EGFR: variants seen among roughly 807,000 people sequenced by gnomAD.
The protein encoded by EGFR is avian erythroblastic leukemia viral (v-erb-b) oncogene homolog.
Under a neutral mutation model 143.0 loss-of-function variants are expected in EGFR, and 58 were observed. The ratio of observed to expected loss-of-function variants is 0.41; its 90% confidence interval spans 0.33 to 0.50. The LOEUF (loss-of-function observed/expected upper bound fraction) is 0.50. Ranked by LOEUF, EGFR falls within the 20% of genes least tolerant of loss-of-function variation. The pLI is 0.39. For missense variants in EGFR, 1,307 were observed against 1,579.0 expected (o/e 0.83, Z 2.92); for synonymous variants, 613 against 594.4 (o/e 1.03, Z -0.45).
intron 3 of EGFR, among the ~76,000 whole-genome samples, 153 bp from the exon 4 acceptor site, chr7:55,146,453 C>T (rs1447292910): frequency 6.6e-6 from 1 of 152,110 alleles, no homozygotes; most frequent in Non-Finnish European, 1.5e-5. Flanking sequence ...TTTATCTGGC[C>T]GCCCCCCGGG....
intron 1 of EGFR, among the ~76,000 whole-genome samples, chr7:55,051,994 T>C (rs1386128647): frequency 1.3e-5 from 2 of 152,226 alleles, no homozygotes; most frequent in Admixed American, 6.5e-5. Context: ...GAGTTCTTCT[T>C]CGCTTCCTTC....
chr7:55,156,381 C>G, intron 8 of EGFR, 152 bp from the exon 9 acceptor site: 6 of 1,137,160 alleles, frequency 5.3e-6, no homozygotes, highest in African/African-American at 1.5e-5. Context: ...CTCTCCCCAG[C>G]CCCTTCAGTG....
At chr7:55,205,150 T>C (rs1256472473) in intron 27 of EGFR, 106 bp from the exon 28 acceptor site, 6 of 1,533,472 alleles carry the variant, frequency 3.9e-6, no homozygotes, top group Middle Eastern at 1.9e-4. Flanking sequence ...CTGCTCCCTG[T>C]CATAAGTCTC....
chr7:55,211,336 G>C lies in EGFR; in HGVS notation c.*5719G>C, dbSNP rs548294989. On this transcript the variant is annotated 3_prime_UTR_variant, in exon 28 of 28. Transcript: ENST00000275493. ...AGAGATCCTATGGATTTGATGACTG[G>C]TATTAGAGGTGACAATGTAACCGAT... The C allele has an allele frequency of 2.0e-5, 3 of 152,320 alleles. No individual in the cohort carries two copies. The highest frequency in any genetic ancestry group is 7.2e-5 in the African/African-American group (3 of 41,578). 9.4% of individuals were successfully genotyped at this position (152,320 alleles called of 1,614,324 possible).
intron 3 of EGFR, among the ~76,000 whole-genome samples, chr7:55,144,494 G>A (rs1354759841): frequency 6.6e-6 from 1 of 152,208 alleles, no homozygotes. Context: ...TAGGAAAGGG[G>A]TGTGATGAAA....
chr7:55,203,384 TACATACAGACACACC>T, intron 27 of EGFR, among the ~76,000 whole-genome samples: 1 of 128,358 alleles, frequency 7.8e-6, no homozygotes, highest in East Asian at 3.1e-4. Context: ...ACACCACACA[TACATACAGACACACC>T]ACACACACGT....
intron 1 of EGFR, among the ~76,000 whole-genome samples, chr7:55,093,666 G>C (rs1791269369): frequency 6.6e-6 from 1 of 152,182 alleles, no homozygotes; most frequent in Non-Finnish European, 1.5e-5. Flanking sequence ...TCATTTTTGA[G>C]GTGAAAACTG....
intron 25 of EGFR, 78 bp downstream of exon 25, chr7:55,201,433 C>T (rs2128971982): frequency 6.3e-7 from 1 of 1,593,330 alleles, no homozygotes; most frequent in South Asian, 1.1e-5. Context: ...GGAAAATAAC[C>T]ATCTAGTGAA....
intron 1 of EGFR, among the ~76,000 whole-genome samples, chr7:55,058,679 C>T (rs76564161): frequency 0.018 from 2,801 of 152,080 alleles, 108 homozygotes; most frequent in African/African-American, 0.064. Context: ...TACACTGGGG[C>T]CTACTTGAGG....
intron 22 of EGFR, among the ~76,000 whole-genome samples, chr7:55,195,758 A>C (rs1787588451): frequency 6.6e-6 from 1 of 152,298 alleles, no homozygotes; most frequent in African/African-American, 2.4e-5. Context: ...ACTTATAAGT[A>C]AGAACATGCG....
chr7:55,105,527 C>T (rs76681765), intron 1 of EGFR, among the ~76,000 whole-genome samples: 7 of 152,320 alleles, frequency 4.6e-5, no homozygotes, highest in East Asian at 1.9e-4. Flanking sequence ...AGTATCCTAA[C>T]GTGGACACTA....
chr7:55,030,867 A>T (rs1221912494), intron 1 of EGFR, among the ~76,000 whole-genome samples: 1 of 152,232 alleles, frequency 6.6e-6, no homozygotes, highest in African/African-American at 2.4e-5. Context: ...CACACATCAA[A>T]TTATTCACTT....
intron 1 of EGFR, among the ~76,000 whole-genome samples, chr7:55,036,271 TGGGG>T (rs557551216): frequency 4.5e-5 from 1 of 22,380 alleles, no homozygotes; most frequent in Non-Finnish European, 8.6e-5. Context: ...TGTGTGTGTG[TGGGG>T]GGGGGGGGGT....
At chr7:55,065,314 C>A (rs1349320675) in intron 1 of EGFR, among the ~76,000 whole-genome samples, 1 of 152,148 alleles carries the variant, frequency 6.6e-6, no homozygotes, top group Non-Finnish European at 1.5e-5. Flanking sequence ...TTGCTGGTGA[C>A]TCATGCGCTG....
chr7:55,190,864 A>C (rs770803857), intron 20 of EGFR, among the ~76,000 whole-genome samples: 1 of 152,172 alleles, frequency 6.6e-6, no homozygotes, highest in Non-Finnish European at 1.5e-5. Flanking sequence ...GCAGGCTGCC[A>C]TTCTTAGGCC....
Position 55,019,290 on chromosome 7 carries a change from G to A in EGFR, c.13G>A (p.Gly5Arg), listed in dbSNP as rs774487133. 1 of 1,506,412 alleles carries A rather than the reference G, an allele frequency of 6.6e-7. No individual in the cohort carries two copies. Among genetic ancestry groups the A allele is most frequent in the Admixed American group, 2.0e-5 (1 of 50,924 alleles). The allele number at this position is 1,506,412 out of a possible 1,614,324, so 93.3% of individuals were successfully genotyped here. A position where few individuals can be genotyped will look rare whatever the true frequency, so the allele number is the denominator to read the frequency against. Reference sequence around the variant, plus strand: ...TCGGGGAGCAGCGATGCGACCCTCCGGGACGGCCGGGGCAGCGCTCCTGGC... The same window carrying A: ...TCGGGGAGCAGCGATGCGACCCTCCAGGACGGCCGGGGCAGCGCTCCTGGC... Reference protein sequence around the residue: MRPSGTAGAALLALL... With the variant: MRPSRTAGAALLALL... The change falls in exon 1 of 28, where the codon GGG (glycine) becomes AGG (arginine). Residue 5 changes from glycine to arginine, a missense_variant. Gly to Arg is a moderately radical substitution (Grantham distance 125, BLOSUM62 -2). Coordinates refer to ENST00000275493, the MANE Select transcript of EGFR (RefSeq NM_005228.5).
chr7:55,039,272 G>T (rs1476893465), intron 1 of EGFR, among the ~76,000 whole-genome samples: 1 of 152,150 alleles, frequency 6.6e-6, no homozygotes, highest in Non-Finnish European at 1.5e-5. Flanking sequence ...TTCAATGCTT[G>T]GTTGACATTT....
chr7:55,198,335 A>G lies in EGFR; in HGVS notation c.2702-382A>G, dbSNP rs114185031. Among the ~76,000 whole-genome samples, 718 of 152,322 alleles carry G rather than the reference A, an allele frequency of 4.7e-3. 7 individuals carry two copies. Among genetic ancestry groups the G allele is most frequent in the African/African-American group, 0.016 (658 of 41,580 alleles). ...TGCATCTTCCTCATTCTGCAGATAC[A>G]GGTCCCTCAGAGCAGGTGACTGAGT... On this transcript the variant is annotated intron_variant, in intron 22 of 27. Coordinates refer to ENST00000275493, the MANE Select transcript of EGFR (RefSeq NM_005228.5).
Position 55,191,707 on chromosome 7 carries a change from T to G in EGFR, c.2470-12T>G, listed in dbSNP as rs947752850. ...TGATCTGTCCCTCACAGCAGGGTCT[T>G]CTCTGTTTCAGGGCATGAACTACTT... On this transcript the variant is annotated splice_polypyrimidine_tract_variant and intron_variant, in intron 20 of 27. Coordinates refer to ENST00000275493, the MANE Select transcript of EGFR (RefSeq NM_005228.5). 2 of 1,613,500 alleles carry G rather than the reference T, an allele frequency of 1.2e-6. No homozygotes were observed. Among genetic ancestry groups the G allele is most frequent in the Non-Finnish European group, 1.7e-6 (2 of 1,179,944 alleles).
Sources: allele counts gnomAD v4.1 joint callset (sites outside exome capture counted in the v4.1 genomes callset), GRCh38; gene constraint gnomAD v4.1.1; transcripts MANE v1.5; gene names NCBI Gene and HGNC (gene_info 2026-07-23, HGNC 2026-07-21).